The following PRDM1 variants were observed in gnomAD, a reference collection of about 807,000 sequenced individuals.
The protein encoded by PRDM1 is PR domain zinc finger protein 1.
Under a neutral mutation model 62.8 loss-of-function variants are expected in PRDM1, and 13 were observed. The observed-to-expected ratio is 0.21, with a 90% CI of 0.13 to 0.33. The LOEUF is 0.33. Among genes scored for constraint, PRDM1 ranks in the 10% least tolerant of loss-of-function variants. PRDM1 has a pLI of 1.00. For synonymous variants in PRDM1, 396 were observed against 417.6 expected, an observed-to-expected ratio of 0.95 and a Z score of 0.63; for missense variants, 895 against 1,058.8, an observed-to-expected ratio of 0.85 and a Z score of 2.15.
intron 1 of PRDM1, among the ~76,000 whole-genome samples, chr6:106,029,692 A>G (rs559520593): frequency 5.9e-5 from 9 of 151,944 alleles, no homozygotes; most frequent in Non-Finnish European, 1.2e-4. Flanking sequence ...TGCAGCCTCA[A>G]CCTCTCCAGG....
At chr6:105,995,266 G>T (rs1288935301) in intron 1 of PRDM1, among the ~76,000 whole-genome samples, 1 of 152,194 alleles carries the variant, frequency 6.6e-6, no homozygotes, top group Non-Finnish European at 1.5e-5. Context: ...TCATAACTAG[G>T]CTGGGCATGT....
chr6:106,056,347 G>C (rs1440148647), intron 1 of PRDM1, among the ~76,000 whole-genome samples: 1 of 152,178 alleles, frequency 6.6e-6, no homozygotes, highest in African/African-American at 2.4e-5. Flanking sequence ...CACCGCCTTT[G>C]CAAGTGATTT....
chr6:106,108,130 T>C lies in PRDM1; in HGVS notation c.*644T>C. 2 of 233,372 alleles carry C rather than the reference T, an allele frequency of 8.6e-6. No individual in the cohort carries two copies. The highest frequency in any genetic ancestry group is 1.2e-4 in the East Asian group (2 of 16,658). The allele number at this position is 233,372 out of a possible 1,614,324, so 14.5% of individuals were successfully genotyped here. A position where few individuals can be genotyped will look rare whatever the true frequency, so the allele number is the denominator to read the frequency against. On this transcript the variant is annotated 3_prime_UTR_variant, in exon 7 of 7. Coordinates refer to ENST00000369096, the MANE Select transcript of PRDM1 (RefSeq NM_001198.4). Reference sequence around the variant, plus strand: ...TGGGATCCTATCATTTGAACAGCATTGTACATAACTTGGGGGTATGTGTGC... The same window carrying C: ...TGGGATCCTATCATTTGAACAGCATCGTACATAACTTGGGGGTATGTGTGC...
intron 1 of PRDM1, among the ~76,000 whole-genome samples, chr6:106,025,409 A>C (rs1772751103): frequency 6.6e-6 from 1 of 152,204 alleles, no homozygotes. Context: ...CTTTCAGCCC[A>C]CTGATTTTCC....
chr6:106,081,980 CT>C (rs1323224896), upstream of PRDM1, among the ~76,000 whole-genome samples: 14 of 152,092 alleles, frequency 9.2e-5, no homozygotes, highest in Non-Finnish European at 1.9e-4. Context: ...TTATTTCCAC[CT>C]TGAGTCCTCC....
intron 1 of PRDM1, among the ~76,000 whole-genome samples, chr6:106,029,149 GA>G (rs1227167234): frequency 6.6e-6 from 1 of 152,024 alleles, no homozygotes; most frequent in Non-Finnish European, 1.5e-5. Flanking sequence ...TCAATCTCTT[GA>G]CCTTGTGATC....
At chr6:106,078,432 GAAAAAACA>G (rs1773636351) in intron 1 of PRDM1, 2 of 152,194 alleles carry the variant, frequency 1.3e-5, no homozygotes, top group Non-Finnish European at 2.9e-5. Context: ...GGGGAACACT[GAAAAAACA>G]TGTCCCCCAA....
chr6:105,998,908 TATATATATATATATATATATATA>T (rs1562141161), intron 1 of PRDM1, among the ~76,000 whole-genome samples: 121 of 11,360 alleles, frequency 0.011, no homozygotes, highest in Non-Finnish European at 0.012. Context: ...TATATATATA[TATATATATATATATATATATATA>T]TATTTTTTTT....
At chr6:106,029,065 C>T (rs974654988) in intron 1 of PRDM1, among the ~76,000 whole-genome samples, 3 of 151,876 alleles carry the variant, frequency 2.0e-5, no homozygotes, top group Admixed American at 6.6e-5. Flanking sequence ...GGACTACAGG[C>T]GCACGCCACC....
Position 106,106,022 on chromosome 6 carries a change from T to G in PRDM1, c.1773+89T>G. The G allele has an allele frequency of 6.6e-7, 1 of 1,511,608 alleles. No homozygotes were observed. The highest frequency in any genetic ancestry group is 8.9e-7 in the Non-Finnish European group (1 of 1,128,240). The allele number at this position is 1,511,608 out of a possible 1,614,324, so 93.6% of individuals were successfully genotyped here. A position where few individuals can be genotyped will look rare whatever the true frequency, so the allele number is the denominator to read the frequency against. ...GCTTTCCATGGGGTATCGATTGCAT[T>G]TGCAGTAGTATGAGCCCCCGGTTGG... On this transcript the variant is annotated intron_variant, in intron 5 of 6. Coordinates refer to ENST00000369096, the MANE Select transcript of PRDM1 (RefSeq NM_001198.4). This position sits in a 1 kb window ranked among gnomAD's most constrained non-coding sequence, Gnocchi z 4.4.
At chr6:106,099,224 CTG>C (rs1271274419) in intron 3 of PRDM1, 74 bp from the exon 4 acceptor site, 1 of 1,602,788 alleles carries the variant, frequency 6.2e-7, no homozygotes, top group African/African-American at 1.3e-5. Context: ...ACGGTACCGG[CTG>C]TGTTTATTCT....
chr6:106,052,004 T>C (rs72941650), intron 1 of PRDM1, among the ~76,000 whole-genome samples: 5,507 of 152,242 alleles, frequency 0.036, 147 homozygotes, highest in Middle Eastern at 0.065. Flanking sequence ...GAAAGTAGAA[T>C]AGAGGTTACC....
In PRDM1 at chr6:106,095,710, C is replaced by T. The variant is rs146938087; in HGVS notation, c.387C>T (p.Asn129=). 6.9e-4 allele frequency: 1,109 copies of T among 1,613,972 alleles called. 5 individuals carry two copies. In the African/African-American group the frequency reaches 0.013, roughly 18 times the overall value. ...ACACCAATGACACAGTTCCTAAGAACGCCAACAGGAAATATTTTTGGAGGG... is the reference window on the plus strand; with the variant it reads ...ACACCAATGACACAGTTCCTAAGAATGCCAACAGGAAATATTTTTGGAGGG... ...EIYTNDTVPK[N]ANRKYFWRIY... The change falls in exon 3 of 7, where the codon AAC becomes AAT. Residue 129 remains asparagine (N), a synonymous_variant. Coordinates refer to ENST00000369096, the MANE Select transcript of PRDM1 (RefSeq NM_001198.4).
At chr6:106,071,200 G>C (rs551027340) in intron 1 of PRDM1, among the ~76,000 whole-genome samples, 14 of 152,108 alleles carry the variant, frequency 9.2e-5, no homozygotes, top group Non-Finnish European at 1.5e-4. Context: ...TTGAACCTGA[G>C]AAGGGGAGGT....
chr6:106,018,514 A>G (rs1330288647), intron 1 of PRDM1, among the ~76,000 whole-genome samples: 1 of 152,176 alleles, frequency 6.6e-6, no homozygotes, highest in African/African-American at 2.4e-5. Context: ...AGGAGATCAC[A>G]TTATGTTTAA....
chr6:105,997,922 T>A (rs1772369152), intron 1 of PRDM1, among the ~76,000 whole-genome samples: 1 of 152,210 alleles, frequency 6.6e-6, no homozygotes, highest in Non-Finnish European at 1.5e-5. Context: ...GATGGTTTCT[T>A]GCCCTTCAAA....
At chr6:106,012,135 AAC>A (rs1327869401) in intron 1 of PRDM1, among the ~76,000 whole-genome samples, 1 of 134,818 alleles carries the variant, frequency 7.4e-6, no homozygotes, top group African/African-American at 2.9e-5. Flanking sequence ...ACACAAACAT[AAC>A]ACACACACCA....
At chr6:106,066,602 C>A (rs1021500908) in intron 1 of PRDM1, among the ~76,000 whole-genome samples, 2 of 152,088 alleles carry the variant, frequency 1.3e-5, no homozygotes, top group Non-Finnish European at 2.9e-5. Flanking sequence ...TTCTTCTGTT[C>A]CTTTCCTGTC....
At chr6:106,017,155 G>C (rs986136698) in intron 1 of PRDM1, among the ~76,000 whole-genome samples, 1 of 152,182 alleles carries the variant, frequency 6.6e-6, no homozygotes, top group Admixed American at 6.5e-5. Context: ...GTCAACAGGA[G>C]ACTATTAGTT....
Sources: allele counts gnomAD v4.1 joint callset (sites outside exome capture counted in the v4.1 genomes callset), GRCh38; gene constraint gnomAD v4.1.1; non-coding constraint Gnocchi (gnomAD v3.1); transcripts MANE v1.5; gene names NCBI Gene and HGNC (gene_info 2026-07-23, HGNC 2026-07-21).